CACNB2: variants seen among roughly 807,000 people sequenced by gnomAD.
The protein encoded by CACNB2 is calcium voltage-gated channel auxiliary subunit beta 2, also known as voltage-dependent L-type calcium channel subunit beta-2.
In CACNB2, 42 loss-of-function variants were observed where a neutral mutation model predicts 73.3. The observed-to-expected ratio is 0.57, with a 90% CI of 0.45 to 0.74. The LOEUF is 0.74. CACNB2 is among the 30% of genes least tolerant of loss of function. The probability of loss-of-function intolerance (pLI) is 0.00; values close to 1 mark genes in which losing one functional copy is unlikely to be tolerated. For missense variants in CACNB2, 940 were observed against 853.0 expected (o/e 1.10, Z -1.27); for synonymous variants, 348 against 310.3 (o/e 1.12, Z -1.28).
chr10:18,472,920 A>G (rs1347878628), intron 3 of CACNB2, among the ~76,000 whole-genome samples: 3 of 152,226 alleles, frequency 2.0e-5, no homozygotes, highest in African/African-American at 7.2e-5. Flanking sequence ...ATTTTCAACA[A>G]GCCCCACCCC....
rs1467809663 is a variant in CACNB2 at position 18,276,977 on chromosome 10, TGTG to T, written c.214-124941_214-124939del. Among the ~76,000 whole-genome samples the T allele has an allele frequency of 3.3e-5, 5 of 152,252 alleles. No homozygotes were observed. The East Asian group carries it at 7.7e-4, about 24-fold the overall frequency. Reference sequence around the variant, plus strand: ...AAAAATTAAAAAATTATTAGCCTGGTGTGGTGGTACGCACCTGCAGTCCCAGCT... The same window carrying T: ...AAAAATTAAAAAATTATTAGCCTGGTGTGGTACGCACCTGCAGTCCCAGCT... On this transcript the variant is annotated intron_variant, in intron 2 of 13. Coordinates refer to ENST00000324631, the MANE Select transcript of CACNB2 (RefSeq NM_201596.3).
intron 3 of CACNB2, among the ~76,000 whole-genome samples, chr10:18,436,432 C>G (rs375137080): frequency 1.3e-5 from 2 of 152,200 alleles, no homozygotes; most frequent in African/African-American, 4.8e-5. Context: ...CCAATCAGAA[C>G]AATGCTACTT....
At chr10:18,190,948 T>G (rs556340073) in intron 2 of CACNB2, among the ~76,000 whole-genome samples, 4 of 152,234 alleles carry the variant, frequency 2.6e-5, no homozygotes, top group Non-Finnish European at 5.9e-5. Context: ...AGGTGTGATA[T>G]CATTAGATTT....
chr10:18,303,709 G>A (rs912038451), intron 2 of CACNB2, among the ~76,000 whole-genome samples: 2 of 152,142 alleles, frequency 1.3e-5, no homozygotes, highest in Non-Finnish European at 2.9e-5. Flanking sequence ...GGCAACACCT[G>A]TTAAGGCAGG....
intron 3 of CACNB2, among the ~76,000 whole-genome samples, chr10:18,491,838 A>AAAT (rs2049450972): frequency 7.3e-6 from 1 of 136,660 alleles, no homozygotes; most frequent in Admixed American, 7.4e-5. Flanking sequence ...AAAAAAAAAA[A>AAAT]AAAAAAAAAG....
At chr10:18,344,797 CAG>C (rs1438570161) in intron 2 of CACNB2, among the ~76,000 whole-genome samples, 1 of 152,136 alleles carries the variant, frequency 6.6e-6, no homozygotes, top group African/African-American at 2.4e-5. Flanking sequence ...TAAAATAAAA[CAG>C]AAGAAATATT....
intron 2 of CACNB2, among the ~76,000 whole-genome samples, chr10:18,353,768 C>G (rs1040243592): frequency 6.6e-6 from 1 of 152,194 alleles, no homozygotes; most frequent in Admixed American, 6.5e-5. Flanking sequence ...CTTTATACTG[C>G]TCTATGGCAG....
chr10:18,274,331 T>C (rs2038185227), intron 2 of CACNB2, among the ~76,000 whole-genome samples: 2 of 152,190 alleles, frequency 1.3e-5, no homozygotes, highest in Non-Finnish European at 2.9e-5. Flanking sequence ...CTCAGCACCA[T>C]TTTTATCTGA....
At position 18,160,121 on chromosome 10, in the gene CACNB2, A is replaced by AT. The variant is rs2032349587; in HGVS notation, c.213+9150dup. On this transcript the variant is annotated intron_variant, in intron 2 of 13. Transcript: ENST00000324631. ...TAGAAAGTATTAAAACAAAATTTAG[A>AT]TTTTGCACTTCAACATATAATTAAT... Among the ~76,000 whole-genome samples, 5 of 152,284 alleles carry AT rather than the reference A, an allele frequency of 3.3e-5. No homozygotes were observed. In the South Asian group the frequency reaches 1.0e-3, roughly 32 times the overall value.
intron 3 of CACNB2, among the ~76,000 whole-genome samples, chr10:18,470,675 C>T (rs143109915): frequency 2.0e-5 from 3 of 152,228 alleles, no homozygotes; most frequent in Non-Finnish European, 2.9e-5. Context: ...GATCCTATTA[C>T]GCTATGTCTG....
intron 9 of CACNB2, among the ~76,000 whole-genome samples, chr10:18,527,362 G>T (rs1303649360): frequency 1.3e-5 from 2 of 151,854 alleles, no homozygotes; most frequent in African/African-American, 4.8e-5. Flanking sequence ...GGCAGCCTGG[G>T]CGAGACTCTG....
intron 3 of CACNB2, among the ~76,000 whole-genome samples, chr10:18,493,349 G>A (rs1303320559): frequency 6.6e-6 from 1 of 152,140 alleles, no homozygotes; most frequent in Non-Finnish European, 1.5e-5. Flanking sequence ...TGTATTTTTA[G>A]TAGAGACGTG....
At chr10:18,334,799 C>T (rs2040937880) in intron 2 of CACNB2, among the ~76,000 whole-genome samples, 1 of 152,130 alleles carries the variant, frequency 6.6e-6, no homozygotes, top group African/African-American at 2.4e-5. Flanking sequence ...AGGAAATCAA[C>T]ATTTATTTGG....
At chr10:18,366,382 A>G (rs1268555530) in intron 2 of CACNB2, among the ~76,000 whole-genome samples, 1 of 151,386 alleles carries the variant, frequency 6.6e-6, no homozygotes, top group African/African-American at 2.4e-5. Context: ...GGAGAATGGT[A>G]CGAACCCGGG....
intron 2 of CACNB2, among the ~76,000 whole-genome samples, chr10:18,348,465 A>T (rs143808192): frequency 1.3e-5 from 2 of 152,208 alleles, no homozygotes; most frequent in Admixed American, 1.3e-4. Flanking sequence ...GGACGGACGG[A>T]TGGACAGATG....
intron 3 of CACNB2, among the ~76,000 whole-genome samples, chr10:18,494,962 A>G (rs187387026): frequency 2.5e-4 from 38 of 152,244 alleles, no homozygotes; most frequent in African/African-American, 7.7e-4. Flanking sequence ...CATCTCACTA[A>G]AAAGTGCACC....
At chr10:18,437,648 T>C (rs981351500) in intron 3 of CACNB2, among the ~76,000 whole-genome samples, 12 of 152,176 alleles carry the variant, frequency 7.9e-5, no homozygotes, top group Non-Finnish European at 1.5e-4. Flanking sequence ...GTTGTCTGTA[T>C]TCTGAGGAAG....
intron 2 of CACNB2, among the ~76,000 whole-genome samples, chr10:18,185,124 G>A (rs2034091818): frequency 6.6e-6 from 1 of 152,060 alleles, no homozygotes; most frequent in Non-Finnish European, 1.5e-5. Flanking sequence ...TATAGCGTGA[G>A]CCACCACACG....
intron 2 of CACNB2, among the ~76,000 whole-genome samples, chr10:18,375,346 A>G (rs1156565528): frequency 6.6e-6 from 1 of 152,204 alleles, no homozygotes; most frequent in Non-Finnish European, 1.5e-5. Flanking sequence ...TAAGATAAAG[A>G]TAATCTCAAT....
Sources: gnomAD v4.1 joint callset for allele counts (sites outside exome capture counted in the v4.1 genomes callset) on GRCh38, gnomAD v4.1.1 for gene constraint, MANE v1.5 for transcripts, NCBI Gene and HGNC (gene_info 2026-07-23, HGNC 2026-07-21) for gene names.